DPYD: variants seen among roughly 807,000 people sequenced by gnomAD.
DPYD encodes dihydropyrimidine dehydrogenase [NADP(+)].
Under a neutral mutation model 116.2 loss-of-function variants are expected in DPYD, and 109 were observed. That is an observed-to-expected ratio of 0.94 (90% CI 0.80 to 1.10). DPYD has a LOEUF of 1.10. DPYD is among the 50% of genes least tolerant of loss of function. DPYD has a pLI of 0.00. For synonymous variants in DPYD, 440 were observed against 432.0 expected, an observed-to-expected ratio of 1.02 and a Z score of -0.23; for missense variants, 1,302 against 1,254.5, an observed-to-expected ratio of 1.04 and a Z score of -0.57.
chr1:97,335,556 A>G (rs1669245121), intron 16 of DPYD, among the ~76,000 whole-genome samples: 1 of 152,082 alleles, frequency 6.6e-6, no homozygotes, highest in Non-Finnish European at 1.5e-5. Flanking sequence ...GAATCACTAT[A>G]TATTTTTCCT....
At chr1:97,119,417 A>G (rs1184691602) in intron 20 of DPYD, among the ~76,000 whole-genome samples, 3 of 152,156 alleles carry the variant, frequency 2.0e-5, no homozygotes, top group Non-Finnish European at 4.4e-5. Flanking sequence ...GGACAGCTCA[A>G]ATGCTGGTGT....
Position 97,306,415 on chromosome 1 carries a change from C to T in DPYD, c.2059-118G>A. 6 of 1,332,366 alleles carry T rather than the reference C, an allele frequency of 4.5e-6. No homozygotes were observed. The South Asian group carries it at 5.9e-5, about 13-fold the overall frequency. 82.5% of individuals were successfully genotyped at this position (1,332,366 alleles called of 1,614,324 possible). On this transcript the variant is annotated intron_variant, in intron 16 of 22. Transcript: ENST00000370192. ...ACAAATCCAACTTGACAATGAGCTA[C>T]ATGATATATTTCTCAAATTCCTCCT...
At chr1:97,508,158 A>G (rs1401248068) in intron 13 of DPYD, among the ~76,000 whole-genome samples, 1 of 152,012 alleles carries the variant, frequency 6.6e-6, no homozygotes, top group Admixed American at 6.6e-5. Flanking sequence ...GAGCATGGCA[A>G]TTTCATATGG....
At chr1:97,485,346 A>C (rs6593650) in intron 13 of DPYD, among the ~76,000 whole-genome samples, 43,616 of 151,902 alleles carry the variant, frequency 0.29, 6,363 homozygotes, top group East Asian at 0.48. Flanking sequence ...GGACTACAGG[A>C]GTGCACCACG....
chr1:97,603,118 G>T (rs1044320643), intron 8 of DPYD, among the ~76,000 whole-genome samples: 2 of 151,242 alleles, frequency 1.3e-5, no homozygotes, highest in Admixed American at 1.3e-4. Context: ...TTTAATCCCC[G>T]CATTGTGAAG....
intron 13 of DPYD, among the ~76,000 whole-genome samples, chr1:97,491,830 C>G (rs1678992673): frequency 1.3e-5 from 2 of 152,052 alleles, no homozygotes; most frequent in African/African-American, 4.8e-5. Flanking sequence ...TTTGCACCAT[C>G]ATATTAAACA....
At chr1:97,261,079 TA>T (rs1328500150) in intron 18 of DPYD, among the ~76,000 whole-genome samples, 2 of 152,126 alleles carry the variant, frequency 1.3e-5, no homozygotes, top group Admixed American at 1.3e-4. Flanking sequence ...GAATTGTAGA[TA>T]GGGGTGTAAA....
intron 18 of DPYD, among the ~76,000 whole-genome samples, chr1:97,263,110 G>A (rs1456790951): frequency 6.6e-6 from 1 of 152,078 alleles, no homozygotes; most frequent in East Asian, 1.9e-4. Context: ...GGCCTTTACA[G>A]AAACTAGCTT....
chr1:97,374,719 A>G (rs1165337362), intron 15 of DPYD, among the ~76,000 whole-genome samples: 74 of 6,746 alleles, frequency 0.011, no homozygotes, highest in Non-Finnish European at 0.067. Context: ...TCCGTCTCAG[A>G]AAAAAAAAAA....
intron 20 of DPYD, among the ~76,000 whole-genome samples, chr1:97,135,153 T>A (rs918138471): frequency 6.6e-6 from 1 of 152,162 alleles, no homozygotes; most frequent in African/African-American, 2.4e-5. Flanking sequence ...CGAGCATACT[T>A]CTTTTGAGTT....
chr1:97,639,815 A>G (rs1424842395), intron 8 of DPYD, among the ~76,000 whole-genome samples: 2 of 152,172 alleles, frequency 1.3e-5, no homozygotes, highest in East Asian at 1.9e-4. Flanking sequence ...AGGCTTTAAT[A>G]CCAATTTTTT....
At chr1:97,215,129 T>C (rs1399197673) in intron 19 of DPYD, among the ~76,000 whole-genome samples, 3 of 152,202 alleles carry the variant, frequency 2.0e-5, no homozygotes, top group African/African-American at 4.8e-5. Context: ...TATGAGGTGC[T>C]TTGCATATGG....
At chr1:97,095,222 C>A (rs996311326) in intron 21 of DPYD, among the ~76,000 whole-genome samples, 4 of 151,944 alleles carry the variant, frequency 2.6e-5, no homozygotes, top group Non-Finnish European at 4.4e-5. Flanking sequence ...CTTATTAGAA[C>A]CTTGTCTAAT....
intron 13 of DPYD, among the ~76,000 whole-genome samples, chr1:97,492,056 G>C (rs577256826): frequency 6.6e-6 from 1 of 152,118 alleles, no homozygotes; most frequent in African/African-American, 2.4e-5. Context: ...TTGTCAAAGG[G>C]GGATATCAGG....
At chr1:97,413,486 C>G (rs567237210) in intron 14 of DPYD, among the ~76,000 whole-genome samples, 1 of 152,202 alleles carries the variant, frequency 6.6e-6, no homozygotes, top group Admixed American at 6.5e-5. Flanking sequence ...TGTTTGTGGA[C>G]TGGTTCTGGC....
intron 7 of DPYD, among the ~76,000 whole-genome samples, chr1:97,681,282 A>C (rs1660414174): frequency 6.6e-6 from 1 of 152,132 alleles, no homozygotes; most frequent in Non-Finnish European, 1.5e-5. Context: ...AGCTGGCACC[A>C]TCCTCAAGGA....
chr1:97,522,546 C>T (rs940161386), intron 12 of DPYD, among the ~76,000 whole-genome samples: 3 of 151,942 alleles, frequency 2.0e-5, no homozygotes, highest in African/African-American at 7.3e-5. Flanking sequence ...GGTGAAACCC[C>T]GTCTCTACTA....
Position 97,193,133 on chromosome 1 carries a change from C to A in DPYD, c.2558G>T (p.Ser853Ile). The change falls in exon 20 of 23, where the codon AGT (serine) becomes ATT (isoleucine). Residue 853 changes from serine (S) to isoleucine (I), a missense_variant. Ser to Ile is a moderately radical substitution (Grantham distance 142). Coordinates refer to ENST00000370192, the MANE Select transcript of DPYD (RefSeq NM_000110.4). Reference protein sequence around the residue: ...IEELQDWDGQSPATVSHQKGK... With the variant: ...IEELQDWDGQIPATVSHQKGK... ...TTTCTGGTGACTCACAGTAGCTGGA[C>A]TCTGTCCATCCCAGTCTTGTAGTTC... 1 of 1,614,080 alleles carries A rather than the reference C, an allele frequency of 6.2e-7. No individual in the cohort carries two copies. The highest frequency in any genetic ancestry group is 8.5e-7 in the Non-Finnish European group (1 of 1,179,964).
chr1:97,355,181 T>A (rs1202714888), intron 16 of DPYD, among the ~76,000 whole-genome samples: 1 of 152,134 alleles, frequency 6.6e-6, no homozygotes, highest in Non-Finnish European at 1.5e-5. Flanking sequence ...TTTCACTTTA[T>A]GTATTCTAAA....
Sources: allele counts gnomAD v4.1 joint callset (sites outside exome capture counted in the v4.1 genomes callset), GRCh38; gene constraint gnomAD v4.1.1; transcripts MANE v1.5; gene names NCBI Gene and HGNC (gene_info 2026-07-23, HGNC 2026-07-21).